SLC39A11: variants seen among roughly 807,000 people sequenced by gnomAD.
SLC39A11 encodes the protein zinc transporter ZIP11.
SLC39A11 carries 33 observed loss-of-function variants against 36.1 expected under a neutral mutation model. That is an observed-to-expected ratio of 0.91 (90% CI 0.69 to 1.22). The LOEUF is 1.22. Ranked by LOEUF, SLC39A11 falls within the 50% of genes most tolerant of loss-of-function variation. The pLI is 0.00. For synonymous variants in SLC39A11, 166 were observed against 170.3 expected (o/e 0.97, Z 0.20); for missense variants, 432 against 430.3 (o/e 1.00, Z -0.03).
intron 5 of SLC39A11, among the ~76,000 whole-genome samples, chr17:72,909,222 G>A (rs1024686011): frequency 6.6e-6 from 1 of 152,080 alleles, no homozygotes; most frequent in African/African-American, 2.4e-5. Context: ...CTCCCACCTT[G>A]GCCTCCCAAA....
At chr17:72,717,404 G>A (rs924761284) in intron 7 of SLC39A11, among the ~76,000 whole-genome samples, 1 of 152,064 alleles carries the variant, frequency 6.6e-6, no homozygotes, top group Non-Finnish European at 1.5e-5. Flanking sequence ...TTGTCCGCAG[G>A]GCTATGCTCC....
At chr17:72,676,451 A>G (rs2071266148) in intron 7 of SLC39A11, among the ~76,000 whole-genome samples, 1 of 152,184 alleles carries the variant, frequency 6.6e-6, no homozygotes, top group Non-Finnish European at 1.5e-5. Context: ...CCTGGGAAGT[A>G]GATGAAATTA....
intron 3 of SLC39A11, chr17:73,067,734 T>A (rs2060038798): frequency 4.1e-6 from 3 of 736,968 alleles, no homozygotes; most frequent in Admixed American, 2.7e-5. Flanking sequence ...TGTTTTCTTA[T>A]GCATAAACAT....
intron 5 of SLC39A11, among the ~76,000 whole-genome samples, chr17:72,918,924 G>A (rs748832255): frequency 3.9e-5 from 6 of 152,038 alleles, no homozygotes; most frequent in Admixed American, 2.0e-4. Context: ...TTAGCTGGGC[G>A]TGGTGGTATG....
At chr17:72,857,877 T>C (rs79693443) in intron 5 of SLC39A11, among the ~76,000 whole-genome samples, 1 of 152,200 alleles carries the variant, frequency 6.6e-6, no homozygotes, top group Non-Finnish European at 1.5e-5. Context: ...CTGGATATTA[T>C]ATCTGTCAGA....
chr17:73,009,854 A>G (rs976911282), intron 4 of SLC39A11, among the ~76,000 whole-genome samples: 10 of 152,054 alleles, frequency 6.6e-5, no homozygotes, highest in Non-Finnish European at 1.3e-4. Context: ...CGTCATTTAC[A>G]TTAGGTGTAG....
intron 6 of SLC39A11, among the ~76,000 whole-genome samples, chr17:72,827,484 T>C (rs1405718594): frequency 2.0e-5 from 3 of 152,182 alleles, no homozygotes; most frequent in Admixed American, 6.5e-5. Context: ...AATGGGTGAA[T>C]TGTAGGCTGT....
chr17:73,062,991 G>A (rs1442408048), intron 3 of SLC39A11, among the ~76,000 whole-genome samples: 1 of 152,096 alleles, frequency 6.6e-6, no homozygotes, highest in Non-Finnish European at 1.5e-5. Context: ...CCTGCTGTGT[G>A]GCCCAGTTCC....
chr17:72,942,566 A>G (rs557674050), intron 5 of SLC39A11, among the ~76,000 whole-genome samples: 1 of 152,352 alleles, frequency 6.6e-6, no homozygotes, highest in East Asian at 1.9e-4. Context: ...AGATCACTAA[A>G]TTTGACTGGA....
rs543972208 is a variant in SLC39A11, at chr17:72,923,806, C to G, written c.430+23946G>C. ...AAAAAGAAAATTAGGAAATTTGGGA[C>G]TTAACAATTGCAAGATACAATGATT... On this transcript the variant is annotated intron_variant, in intron 5 of 9. Coordinates refer to ENST00000255559, the MANE Select transcript of SLC39A11 (RefSeq NM_139177.4). Among the ~76,000 whole-genome samples the G allele has an allele frequency of 7.2e-4, 109 of 152,112 alleles. 1 individual carries two copies. Among genetic ancestry groups the G allele is most frequent in the African/African-American group, 2.6e-3 (107 of 41,510 alleles).
At chr17:72,780,919 G>A (rs142270271) in intron 6 of SLC39A11, among the ~76,000 whole-genome samples, 240 of 152,264 alleles carry the variant, frequency 1.6e-3, no homozygotes, top group African/African-American at 4.8e-3. Flanking sequence ...CCCAGGAGGC[G>A]GAGGTTGTGG....
At chr17:72,750,900 G>T (rs1324286962) in intron 6 of SLC39A11, among the ~76,000 whole-genome samples, 4 of 152,214 alleles carry the variant, frequency 2.6e-5, no homozygotes, top group Non-Finnish European at 5.9e-5. Context: ...TCATGGCCTT[G>T]TTGGTCATGC....
At chr17:72,788,455 G>GGTCAAGGAAGTCGACCAAT (rs1247995784) in intron 6 of SLC39A11, among the ~76,000 whole-genome samples, 3 of 152,102 alleles carry the variant, frequency 2.0e-5, no homozygotes, top group Non-Finnish European at 4.4e-5. Flanking sequence ...GGGCAACAAA[G>GGTCAAGGAAGTCGACCAAT]GTCAAGGAAG....
At chr17:72,692,400 T>C (rs1452299908) in intron 7 of SLC39A11, among the ~76,000 whole-genome samples, 2 of 152,198 alleles carry the variant, frequency 1.3e-5, no homozygotes, top group Non-Finnish European at 2.9e-5. Context: ...AAGACATACC[T>C]GAGACTGGAA....
intron 6 of SLC39A11, among the ~76,000 whole-genome samples, chr17:72,781,845 T>C (rs900851557): frequency 6.6e-6 from 1 of 151,874 alleles, no homozygotes; most frequent in Non-Finnish European, 1.5e-5. Flanking sequence ...TCTCGGTACA[T>C]TTCATCCTGA....
rs566126741 is a variant in SLC39A11 at position 72,988,917 on chromosome 17, T to C, written c.307-41042A>G. Among the ~76,000 whole-genome samples the C allele has an allele frequency of 2.0e-5, 3 of 152,086 alleles. No homozygotes were observed. The South Asian group carries it at 6.2e-4, about 32-fold the overall frequency. On this transcript the variant is annotated intron_variant, in intron 4 of 9. Coordinates refer to ENST00000255559, the MANE Select transcript of SLC39A11 (RefSeq NM_139177.4). Reference sequence around the variant, plus strand: ...AGAGACAGGTTTGCTCTTTTTAAGATTACAATATGCAGGCAGAGCATGGTG... The same window carrying C: ...AGAGACAGGTTTGCTCTTTTTAAGACTACAATATGCAGGCAGAGCATGGTG...
intron 7 of SLC39A11, among the ~76,000 whole-genome samples, chr17:72,676,070 T>TCACACACACACACA (rs3222866): frequency 1.0e-4 from 13 of 129,924 alleles, no homozygotes; most frequent in African/African-American, 3.5e-4. Context: ...TCACAATGTT[T>TCACACACACACACA]CACACACACA....
At chr17:72,905,741 TGAA>T (rs1473095118) in intron 5 of SLC39A11, among the ~76,000 whole-genome samples, 10 of 151,330 alleles carry the variant, frequency 6.6e-5, no homozygotes, top group Admixed American at 2.0e-4. Flanking sequence ...ACTCCTGGCA[TGAA>T]GAAGAACTCA....
intron 5 of SLC39A11, among the ~76,000 whole-genome samples, chr17:72,891,096 G>A (rs1205220862): frequency 6.6e-6 from 1 of 151,790 alleles, no homozygotes; most frequent in African/African-American, 2.4e-5. Context: ...CAGGTTGGGG[G>A]GTGGGGGGTG....
Sources: gnomAD v4.1 joint callset for allele counts (sites outside exome capture counted in the v4.1 genomes callset) on GRCh38, gnomAD v4.1.1 for gene constraint, MANE v1.5 for transcripts, NCBI Gene and HGNC (gene_info 2026-07-23, HGNC 2026-07-21) for gene names.